The following NEIL1 variants were observed in gnomAD, a reference collection of about 807,000 sequenced individuals.
NEIL1 encodes nei like DNA glycosylase 1, also known as endonuclease 8-like 1.
A neutral mutation model predicts 44.2 loss-of-function variants in NEIL1; 31 were observed. The ratio of observed to expected loss-of-function variants is 0.70; its 90% CI spans 0.53 to 0.95. The LOEUF (loss-of-function observed/expected upper bound fraction) is 0.95, where lower values mean the gene tolerates loss of function less well. NEIL1 is among the 40% of genes least tolerant of loss of function. NEIL1 has a pLI of 0.00. For synonymous variants in NEIL1, 254 were observed against 209.7 expected (o/e 1.21, Z -1.83); for missense variants, 549 against 515.5 (o/e 1.07, Z -0.63).
In NEIL1 at chr15:75,352,594, T is replaced by C; in HGVS notation, c.619-8T>C. ...GACAGACAGGTCCTGCCCCTGCCCC[T>C]TCCTCAGAGCCCGGAGCTGACCCTG... On this transcript the variant is annotated splice_polypyrimidine_tract_variant and splice_region_variant and intron_variant, in intron 4 of 9. Transcript: ENST00000355059. 2.5e-6 allele frequency: 4 copies of C among 1,611,794 alleles called. No homozygotes were observed. The highest frequency in any genetic ancestry group is 4.5e-5 in the East Asian group (2 of 44,716).
At chr15:75,353,971 TCC>T in intron 6 of NEIL1, 105 bp downstream of exon 6, 2 of 1,449,776 alleles carry the variant, frequency 1.4e-6, no homozygotes, top group Non-Finnish European at 1.9e-6. Flanking sequence ...GTCTAGACCC[TCC>T]AAGGACCACA....
rs2072314338 is a variant in NEIL1, at chr15:75,356,661, G to A, written c.*1627G>A. 11 of 1,583,822 alleles carry A rather than the reference G, an allele frequency of 6.9e-6. No homozygotes were observed. Among genetic ancestry groups the A allele is most frequent in the South Asian group, 1.1e-5 (1 of 87,908 alleles). ...CGTGGCGCCCCGTGTCAGCAGTAGC[G>A]TCCGGGGCTTTAGGCGCCCGCAAGC... is the stretch of plus-strand genomic sequence containing the variant. On this transcript the variant is annotated 3_prime_UTR_variant, in exon 10 of 10. Transcript: ENST00000355059. This position sits in a 1 kb window ranked among gnomAD's most constrained non-coding sequence, Gnocchi z 5.8.
In NEIL1 at chr15:75,356,560, G is replaced by A; in HGVS notation, c.*1526G>A. On this transcript the variant is annotated 3_prime_UTR_variant, in exon 10 of 10. Transcript: ENST00000355059. The surrounding 1 kb of genome is among the most constrained non-coding windows in gnomAD (Gnocchi z 5.8). ...GGGTTTGGGCTCAGGGAAGGGCAGAGAGGTGTCTAGGGCTGCAGGAAGGCC... is the reference window on the plus strand; with the variant it reads ...GGGTTTGGGCTCAGGGAAGGGCAGAAAGGTGTCTAGGGCTGCAGGAAGGCC... 5.8e-6 allele frequency: 9 copies of A among 1,550,944 alleles called. No homozygotes were observed. The highest frequency in any genetic ancestry group is 7.9e-6 in the Non-Finnish European group (9 of 1,146,238).
intron 1 of NEIL1, chr15:75,347,824 C>T: frequency 8.6e-7 from 1 of 1,158,300 alleles, no homozygotes; most frequent in Non-Finnish European, 1.1e-6. Flanking sequence ...GCCGCTCCTC[C>T]CCAAAACTAG....
In NEIL1 at chr15:75,356,613, C is replaced by T. The variant is rs1219207252; in HGVS notation, c.*1579C>T. 6.4e-6 allele frequency: 10 copies of T among 1,560,714 alleles called. No individual in the cohort carries two copies. Among genetic ancestry groups the T allele is most frequent in the South Asian group, 2.3e-5 (2 of 85,334 alleles). ...ACCGTCCCCAGCACTCACCCTTGTG[C>T]GGCATCAGTGCATAGGTGAACTCGT... On this transcript the variant is annotated 3_prime_UTR_variant, in exon 10 of 10. Transcript: ENST00000355059. This position sits in a 1 kb window ranked among gnomAD's most constrained non-coding sequence, Gnocchi z 5.8.
chr15:75,352,731 T>C (rs2072017254), intron 5 of NEIL1, 30 bp downstream of exon 5: 1 of 1,551,196 alleles, frequency 6.4e-7, no homozygotes, highest in Non-Finnish European at 8.8e-7. Context: ...CAACCTCTGC[T>C]TCAGCAAATG....
chr15:75,348,028 T>C (rs2071575294), intron 1 of NEIL1: 1 of 1,148,866 alleles, frequency 8.7e-7, no homozygotes, highest in South Asian at 1.5e-5. Flanking sequence ...AGGGCGGAGG[T>C]GAGGAGTCGA....
Position 75,349,303 on chromosome 15 carries a change from G to A in NEIL1, c.398G>A (p.Arg133His), listed in dbSNP as rs751095052. The A allele has an allele frequency of 3.1e-6, 5 of 1,610,492 alleles. No homozygotes were observed. In the East Asian group the frequency reaches 6.7e-5, roughly 22 times the overall value. ...WDLGGKWQPGRGPCVLQEYQQ... is the reference protein window; with the variant it reads ...WDLGGKWQPGHGPCVLQEYQQ... ...CTTGGGGGAAAGTGGCAGCCGGGCCGCGGGCCCTGTGTCTTGCAGGAGTAC... is the reference window on the plus strand; with the variant it reads ...CTTGGGGGAAAGTGGCAGCCGGGCCACGGGCCCTGTGTCTTGCAGGAGTAC... The change falls in exon 2 of 10, where the codon CGC becomes CAC. Residue 133 changes from arginine to histidine, a missense_variant. Physicochemically the swap from Arg to His is conservative, Grantham distance 29. Transcript: ENST00000355059.
rs377647987 is a variant in NEIL1 at position 75,356,197 on chromosome 15, C to T, written c.*1163C>T. 9.9e-6 allele frequency: 16 copies of T among 1,613,380 alleles called. No individual in the cohort carries two copies. The South Asian group carries it at 1.2e-4, about 12-fold the overall frequency. On this transcript the variant is annotated 3_prime_UTR_variant, in exon 10 of 10. Transcript: ENST00000355059. This position sits in a 1 kb window ranked among gnomAD's most constrained non-coding sequence, Gnocchi z 5.8. Reference sequence around the variant, plus strand: ...CTCATACAGCCTCAGGACCAGCGAGCGGCGCTGGGGGCTGCTCTCCGCCTG... The same window carrying T: ...CTCATACAGCCTCAGGACCAGCGAGTGGCGCTGGGGGCTGCTCTCCGCCTG...
chr15:75,353,184 C>T, intron 5 of NEIL1: 1 of 181,640 alleles, frequency 5.5e-6, no homozygotes. Flanking sequence ...CTCCAAGCTG[C>T]CCATGAGACA....
intron 5 of NEIL1, 176 bp from the exon 6 acceptor site, chr15:75,353,563 C>CG: frequency 1.3e-6 from 1 of 767,832 alleles, no homozygotes; most frequent in East Asian, 2.6e-5. Context: ...GATGGGAAAC[C>CG]CATGGCCGAG....
rs1567243092 is a variant in NEIL1, at chr15:75,352,199, G to A, written c.523G>A (p.Gly175Ser). 1.2e-6 allele frequency: 2 copies of A among 1,614,238 alleles called. No individual in the cohort carries two copies. The highest frequency in any genetic ancestry group is 8.5e-7 in the Non-Finnish European group (1 of 1,180,050). The change falls in exon 3 of 10, where the codon GGC becomes AGC. Residue 175 changes from glycine to serine, a missense_variant. Physicochemically the swap from Gly to Ser is moderately conservative, Grantham distance 56. Transcript: ENST00000355059. ...GGACCAGAGGTTCTTCAATGGCATT[G>A]GCAACTATCTGCGGGCAGAGATCCT... ...LLDQRFFNGI[G>S]NYLRAEILYR...
At chr15:75,348,846 C>T in intron 1 of NEIL1, 38 bp from the exon 2 acceptor site, 1 of 1,582,232 alleles carries the variant, frequency 6.3e-7, no homozygotes, top group East Asian at 2.2e-5. Flanking sequence ...CTCACAAAGT[C>T]CACACCGGGC....
chr15:75,354,108 C>G, intron 6 of NEIL1, 142 bp from the exon 7 acceptor site: 2 of 1,102,304 alleles, frequency 1.8e-6, no homozygotes, highest in Non-Finnish European at 2.7e-6. Context: ...GATGTGGACT[C>G]TAACATGGGG....
rs1172845990 is a variant in NEIL1 at position 75,356,323 on chromosome 15, A to ACCGC, written c.*1290_*1293dup. ...TGCCTGCTTGACGGTCTCCAATACG[A>ACCGC]CCGCGGGTGAAGACACGGAAAACGC... On this transcript the variant is annotated 3_prime_UTR_variant, in exon 10 of 10. Coordinates refer to ENST00000355059, the MANE Select transcript of NEIL1 (RefSeq NM_024608.4). The surrounding 1 kb of genome is among the most constrained non-coding windows in gnomAD (Gnocchi z 5.8). The ACCGC allele has an allele frequency of 5.6e-6, 9 of 1,611,136 alleles. No individual in the cohort carries two copies. Among genetic ancestry groups the ACCGC allele is most frequent in the African/African-American group, 1.3e-5 (1 of 74,288 alleles).
In NEIL1 at chr15:75,355,119, T is replaced by C; in HGVS notation, c.*85T>C. The C allele has an allele frequency of 1.7e-6, 2 of 1,210,374 alleles. No homozygotes were observed. Among genetic ancestry groups the C allele is most frequent in the African/African-American group, 3.0e-5 (2 of 66,362 alleles). The allele number at this position is 1,210,374 out of a possible 1,614,324, so 75.0% of individuals were successfully genotyped here. A position where few individuals can be genotyped will look rare whatever the true frequency, so the allele number is the denominator to read the frequency against. The stretch of plus-strand genomic sequence containing the variant: ...TCTGAATTTTTGGGAGCAGGCAATA[T>C]CTGAAGGTGCAAACAGGCCCTACGG... On this transcript the variant is annotated 3_prime_UTR_variant, in exon 10 of 10. Transcript: ENST00000355059.
chr15:75,353,828 T>C lies in NEIL1; in HGVS notation c.808T>C (p.Ser270Pro). The C allele has an allele frequency of 4.3e-6, 7 of 1,613,658 alleles. No homozygotes were observed. Among genetic ancestry groups the C allele is most frequent in the Non-Finnish European group, 5.1e-6 (6 of 1,180,010 alleles). The part of the protein sequence containing the change: ...LRCYGMPGMS[S>P]LQDRHGRTIW... ...CTGCTATGGCATGCCAGGCATGAGC[T>C]CCCTGCAGGACCGGCATGGCCGTAC... The change falls in exon 6 of 10, where the codon TCC becomes CCC. Residue 270 changes from serine to proline, a missense_variant. Transcript: ENST00000355059.
At chr15:75,353,960 T>TA in intron 6 of NEIL1, 94 bp downstream of exon 6, 4 of 1,507,196 alleles carry the variant, frequency 2.7e-6, no homozygotes, top group Non-Finnish European at 3.6e-6. Flanking sequence ...GCTCAGGGTC[T>TA]GTCTAGACCC....
In NEIL1 at chr15:75,353,722, G is replaced by A. The variant is rs1205751320; in HGVS notation, c.719-17G>A. On this transcript the variant is annotated splice_polypyrimidine_tract_variant and intron_variant, in intron 5 of 9. Transcript: ENST00000355059. ...TGAGCCTGCCCTCTGATCTCTGCCT[G>A]TTCCTCTGTCCCACAGGGGGCAAAG... The A allele has an allele frequency of 6.2e-7, 1 of 1,613,924 alleles. No individual in the cohort carries two copies.
Sources: gnomAD v4.1 joint callset for allele counts on GRCh38, gnomAD v4.1.1 for gene constraint, Gnocchi (gnomAD v3.1) non-coding constraint, MANE v1.5 for transcripts, NCBI Gene and HGNC (gene_info 2026-07-23, HGNC 2026-07-21) for gene names.